The following CCDC178 variants were observed in gnomAD, a reference collection of about 807,000 sequenced individuals.
CCDC178 encodes the protein coiled-coil domain-containing protein 178.
Under a neutral mutation model 117.4 loss-of-function variants are expected in CCDC178, and 126 were observed. The ratio of observed to expected loss-of-function variants is 1.07; its 90% CI spans 0.93 to 1.24. The LOEUF (loss-of-function observed/expected upper bound fraction) is 1.24, where lower values mean the gene tolerates loss of function less well. Among genes scored for constraint, CCDC178 ranks in the 50% most tolerant of loss-of-function variants. The pLI is 0.00. For synonymous variants in CCDC178, 283 were observed against 313.4 expected (o/e 0.90, Z 1.02); for missense variants, 1,030 against 986.9 (o/e 1.04, Z -0.59).
At chr18:33,178,634 GCTGA>G (rs1258467993) in intron 20 of CCDC178, among the ~76,000 whole-genome samples, 1 of 152,080 alleles carries the variant, frequency 6.6e-6, no homozygotes, top group Non-Finnish European at 1.5e-5. Flanking sequence ...ACATGGCCAT[GCTGA>G]CTTTTACTTT....
intron 20 of CCDC178, among the ~76,000 whole-genome samples, chr18:33,200,505 T>C (rs2058979472): frequency 6.6e-6 from 1 of 152,214 alleles, no homozygotes; most frequent in Non-Finnish European, 1.5e-5. Flanking sequence ...AGAGCCTTCA[T>C]GACATGGTTC....
Position 33,250,004 on chromosome 18 carries a change from C to T in CCDC178, c.1410-4576G>A, listed in dbSNP as rs564997433. ...TTCACATCCCTTGTAAGTTGGATTCCTAGGTATTTTATTCTCTTTGAAGCA... is the reference window on the plus strand; with the variant it reads ...TTCACATCCCTTGTAAGTTGGATTCTTAGGTATTTTATTCTCTTTGAAGCA... On this transcript the variant is annotated intron_variant, in intron 14 of 22. Coordinates refer to ENST00000383096, the MANE Select transcript of CCDC178 (RefSeq NM_001105528.4). 9.8e-4 allele frequency among the ~76,000 whole-genome samples: 149 copies of T among 151,964 alleles called. 1 individual carries two copies. The highest frequency in any genetic ancestry group is 3.5e-3 in the African/African-American group (145 of 41,506).
At chr18:33,115,858 T>C (rs1186834061) in intron 20 of CCDC178, among the ~76,000 whole-genome samples, 1 of 152,038 alleles carries the variant, frequency 6.6e-6, no homozygotes, top group African/African-American at 2.4e-5. Context: ...TTATTTAGGA[T>C]AAGTGCATTT....
intron 7 of CCDC178, 82 bp downstream of exon 7, chr18:33,356,242 G>C (rs1758355502): frequency 1.5e-6 from 2 of 1,306,416 alleles, no homozygotes; most frequent in Non-Finnish European, 2.1e-6. Context: ...TATTCCTTTT[G>C]AAGTTAAACT....
chr18:33,006,457 T>C (rs1226589254), intron 21 of CCDC178, among the ~76,000 whole-genome samples: 1 of 152,140 alleles, frequency 6.6e-6, no homozygotes, highest in Non-Finnish European at 1.5e-5. Context: ...ATGAACAATA[T>C]CAGTCATAAC....
intron 21 of CCDC178, among the ~76,000 whole-genome samples, chr18:33,014,723 A>G (rs1474656847): frequency 6.6e-6 from 1 of 152,220 alleles, no homozygotes; most frequent in Admixed American, 6.5e-5. Flanking sequence ...TATTTGTCAA[A>G]TTACTAGTCT....
At chr18:33,341,086 G>A (rs1441701681) in intron 9 of CCDC178, among the ~76,000 whole-genome samples, 3 of 152,176 alleles carry the variant, frequency 2.0e-5, no homozygotes, top group African/African-American at 7.2e-5. Context: ...AAAGCCACAG[G>A]GGTGCAGCTG....
intron 9 of CCDC178, among the ~76,000 whole-genome samples, chr18:33,338,434 A>G (rs1319315416): frequency 1.3e-5 from 2 of 152,184 alleles, no homozygotes; most frequent in Admixed American, 6.5e-5. Context: ...AGTATATGAA[A>G]AAGATACTTG....
At chr18:33,290,687 A>G (rs1049657440) in intron 12 of CCDC178, among the ~76,000 whole-genome samples, 2 of 152,146 alleles carry the variant, frequency 1.3e-5, no homozygotes, top group African/African-American at 4.8e-5. Flanking sequence ...AGGATTCACT[A>G]TAATAGATAA....
chr18:32,942,251 A>G (rs2054254498), intron 22 of CCDC178, among the ~76,000 whole-genome samples: 1 of 152,114 alleles, frequency 6.6e-6, no homozygotes, highest in South Asian at 2.1e-4. Context: ...TCTCACATCA[A>G]TTTCATTTTG....
chr18:33,384,046 C>G (rs2063467676), intron 5 of CCDC178, among the ~76,000 whole-genome samples: 1 of 151,972 alleles, frequency 6.6e-6, no homozygotes, highest in African/African-American at 2.4e-5. Flanking sequence ...AAAAACACAG[C>G]ACGGGAACTT....
intron 21 of CCDC178, among the ~76,000 whole-genome samples, chr18:32,989,310 T>C (rs1023921301): frequency 6.6e-6 from 1 of 152,150 alleles, no homozygotes; most frequent in Admixed American, 6.6e-5. Flanking sequence ...TTAAAAGAAA[T>C]CTAAACATAC....
intron 22 of CCDC178, among the ~76,000 whole-genome samples, chr18:32,955,615 T>C (rs947857853): frequency 6.6e-6 from 1 of 152,062 alleles, no homozygotes; most frequent in African/African-American, 2.4e-5. Context: ...TAATGAAAAG[T>C]TTCTATTACA....
At chr18:33,056,812 G>T (rs1409007382) in intron 21 of CCDC178, among the ~76,000 whole-genome samples, 1 of 152,118 alleles carries the variant, frequency 6.6e-6, no homozygotes, top group Non-Finnish European at 1.5e-5. Context: ...CACGTATTGT[G>T]AGTATACTTT....
chr18:32,991,986 T>A (rs975689342), intron 21 of CCDC178, among the ~76,000 whole-genome samples: 4 of 152,200 alleles, frequency 2.6e-5, no homozygotes, highest in Non-Finnish European at 5.9e-5. Flanking sequence ...ATGGGAACTT[T>A]TAGGTCTTCC....
At chr18:33,242,572 A>C (rs2059500246) in intron 15 of CCDC178, among the ~76,000 whole-genome samples, 2 of 151,230 alleles carry the variant, frequency 1.3e-5, no homozygotes, top group Admixed American at 1.3e-4. Context: ...AAAACAAAAA[A>C]AATCTGATTT....
intron 5 of CCDC178, among the ~76,000 whole-genome samples, chr18:33,377,989 T>C (rs2063387617): frequency 6.6e-6 from 1 of 152,188 alleles, no homozygotes; most frequent in Non-Finnish European, 1.5e-5. Context: ...AAAAATGACA[T>C]TGGTAACTTT....
intron 20 of CCDC178, among the ~76,000 whole-genome samples, chr18:33,209,037 C>T (rs1170276153): frequency 6.6e-6 from 1 of 151,984 alleles, no homozygotes; most frequent in Non-Finnish European, 1.5e-5. Context: ...AAGGACAACT[C>T]ATAACAAATT....
chr18:33,139,081 A>G (rs1259109574), intron 20 of CCDC178, among the ~76,000 whole-genome samples: 1 of 152,170 alleles, frequency 6.6e-6, no homozygotes, highest in East Asian at 1.9e-4. Context: ...ATAGTGAATG[A>G]GTCTCATGAG....
Sources: gnomAD v4.1 joint callset for allele counts (sites outside exome capture counted in the v4.1 genomes callset) on GRCh38, gnomAD v4.1.1 for gene constraint, MANE v1.5 for transcripts, NCBI Gene and HGNC (gene_info 2026-07-23, HGNC 2026-07-21) for gene names.